The following SLC25A29 variants were observed in gnomAD, a reference collection of about 807,000 sequenced individuals.
The protein encoded by SLC25A29 is solute carrier family 25 member 29, also known as mitochondrial basic amino acids transporter.
SLC25A29 carries 13 observed loss-of-function variants against 10.0 expected under a neutral mutation model. That is an observed-to-expected ratio of 1.30 (90% CI 0.85 to 2.07). The LOEUF (loss-of-function observed/expected upper bound fraction) is 2.07. Ranked by LOEUF, SLC25A29 falls within the 30% of genes most tolerant of loss-of-function variation. The probability of loss-of-function intolerance (pLI) is 0.00; values close to 1 mark genes in which losing one functional copy is unlikely to be tolerated. For missense variants in SLC25A29, 475 were observed against 447.6 expected (o/e 1.06, Z -0.55); for synonymous variants, 244 against 221.1 (o/e 1.10, Z -0.92).
At chr14:100,293,260 T>TG in intron 3 of SLC25A29, 34 bp downstream of exon 3, 2 of 1,606,438 alleles carry the variant, frequency 1.2e-6, no homozygotes, top group Non-Finnish European at 1.7e-6. Flanking sequence ...CCCCATCCTG[T>TG]GCCTCCCGAG....
chr14:100,298,480 T>G, intron 2 of SLC25A29: 2 of 354,122 alleles, frequency 5.6e-6, no homozygotes, highest in African/African-American at 2.1e-5. Flanking sequence ...ATCATGTTCA[T>G]GGGAGATATG....
chr14:100,303,318 A>C (rs1414646977), intron 1 of SLC25A29, among the ~76,000 whole-genome samples: 1 of 152,206 alleles, frequency 6.6e-6, no homozygotes, highest in Non-Finnish European at 1.5e-5. Flanking sequence ...AGGCCCCTCC[A>C]TGTCCCTTGA....
intron 2 of SLC25A29, 153 bp from the exon 3 acceptor site, chr14:100,293,530 G>A (rs1053533117): frequency 6.4e-5 from 40 of 628,804 alleles, no homozygotes; most frequent in African/African-American, 4.9e-4. Flanking sequence ...AGGGTGGGCC[G>A]GGTATCTATG....
At chr14:100,297,836 C>T (rs913133425) in intron 2 of SLC25A29, among the ~76,000 whole-genome samples, 5 of 152,260 alleles carry the variant, frequency 3.3e-5, no homozygotes, top group Admixed American at 1.3e-4. Context: ...ACGATGACAA[C>T]GTTTGAGCCC....
chr14:100,290,423 CTG>C (rs1232975987), downstream of SLC25A29, among the ~76,000 whole-genome samples: 3 of 152,256 alleles, frequency 2.0e-5, no homozygotes, highest in Admixed American at 6.5e-5. Context: ...TCCCCGCCTC[CTG>C]CCTCCCTGTA....
chr14:100,301,240 G>A (rs908986480), intron 1 of SLC25A29, among the ~76,000 whole-genome samples: 2 of 151,492 alleles, frequency 1.3e-5, no homozygotes, highest in South Asian at 2.1e-4. Flanking sequence ...GTGCCGTTGC[G>A]CGATCTGGGC....
the SLC25A29 span, among the ~76,000 whole-genome samples, chr14:100,285,213 G>A: frequency 6.6e-6 from 1 of 151,932 alleles, no homozygotes; most frequent in Non-Finnish European, 1.5e-5. Context: ...CTGCCCGCCT[G>A]GCCTTTGGCC....
chr14:100,306,166 G>T, intron 1 of SLC25A29, 33 bp downstream of exon 1: 1 of 1,435,982 alleles, frequency 7.0e-7, no homozygotes, highest in Non-Finnish European at 9.1e-7. Context: ...CGGACGCCTC[G>T]CCCCGGCCCG....
chr14:100,305,731 C>G (rs1287306127), intron 1 of SLC25A29: 1 of 155,178 alleles, frequency 6.4e-6, no homozygotes, highest in Non-Finnish European at 1.4e-5. Flanking sequence ...CCTCCAAGGC[C>G]AGCCGAGTAG....
intron 2 of SLC25A29, among the ~76,000 whole-genome samples, chr14:100,297,182 A>G (rs1892224479): frequency 6.6e-6 from 1 of 152,248 alleles, no homozygotes; most frequent in African/African-American, 2.4e-5. Context: ...TGGCAAAAAC[A>G]AAAACAAAAC....
chr14:100,291,996 C>T lies in SLC25A29; in HGVS notation c.*287G>A, dbSNP rs540506437. 26 of 452,636 alleles carry T rather than the reference C, an allele frequency of 5.7e-5. No homozygotes were observed. Among genetic ancestry groups the T allele is most frequent in the Middle Eastern group, 1.2e-3 (2 of 1,618 alleles). 28.0% of individuals were successfully genotyped at this position (452,636 alleles called of 1,614,324 possible). A position where few individuals can be genotyped will look rare whatever the true frequency, so the allele number is the denominator to read the frequency against. On this transcript the variant is annotated 3_prime_UTR_variant, in exon 4 of 4. Transcript: ENST00000359232. ...GTGTCTGCCTCAGTTTCCAGGATAA[C>T]GGTGCAATGGCCTCAGCCAGGCCAG...
At chr14:100,295,963 C>G in intron 2 of SLC25A29, 1 of 1,289,740 alleles carries the variant, frequency 7.8e-7, no homozygotes, top group Non-Finnish European at 1.0e-6. Context: ...TAGAGGAGAT[C>G]CAGATCTTGG....
chr14:100,295,716 G>C, intron 2 of SLC25A29: 1 of 1,289,496 alleles, frequency 7.8e-7, no homozygotes, highest in Non-Finnish European at 1.0e-6. Context: ...GAAAGTAAAG[G>C]CGGTTAAAGC....
At chr14:100,280,067 T>C in the SLC25A29 span, 1 of 152,268 alleles carries the variant, frequency 6.6e-6, no homozygotes, top group Non-Finnish European at 1.5e-5. Context: ...GAGTTTAATC[T>C]GGGGTTCCAA....
chr14:100,293,451 C>G, intron 2 of SLC25A29, 74 bp from the exon 3 acceptor site: 1 of 1,433,594 alleles, frequency 7.0e-7, no homozygotes, highest in Non-Finnish European at 9.7e-7. Context: ...GGTGCTTAGG[C>G]TGCCTAGGAG....
Position 100,298,488 on chromosome 14 carries a change from A to G in SLC25A29, c.78+354T>C, listed in dbSNP as rs1177563993. Reference sequence around the variant, plus strand: ...CGTGAAGATCATGTTCATGGGAGATATGAGTTTTGGTTTTTTTTGTATTTT... The same window carrying G: ...CGTGAAGATCATGTTCATGGGAGATGTGAGTTTTGGTTTTTTTTGTATTTT... On this transcript the variant is annotated intron_variant, in intron 2 of 3. Coordinates refer to ENST00000359232, the MANE Select transcript of SLC25A29 (RefSeq NM_001039355.3). 1.1e-5 allele frequency: 4 copies of G among 365,164 alleles called. No homozygotes were observed. In the Admixed American group the frequency reaches 1.3e-4, roughly 12 times the overall value. The allele number at this position is 365,164 out of a possible 1,614,324, so 22.6% of individuals were successfully genotyped here.
intron 1 of SLC25A29, chr14:100,299,846 C>G: frequency 1.0e-6 from 1 of 985,494 alleles, no homozygotes; most frequent in Non-Finnish European, 1.2e-6. Flanking sequence ...ATTAAAACAG[C>G]TGGCATCTGC....
chr14:100,280,438 C>T, the SLC25A29 span: 1 of 151,984 alleles, frequency 6.6e-6, no homozygotes, highest in African/African-American at 2.4e-5. Context: ...ATTATTTCCC[C>T]CTTTTTGGTA....
At chr14:100,289,328 C>T (rs989307968), downstream of SLC25A29, among the ~76,000 whole-genome samples, 2 of 152,178 alleles carry the variant, frequency 1.3e-5, no homozygotes, top group Non-Finnish European at 2.9e-5. Context: ...GTCAGGACCT[C>T]GGCCACACTT....
Sources: allele counts gnomAD v4.1 joint callset (sites outside exome capture counted in the v4.1 genomes callset), GRCh38; gene constraint gnomAD v4.1.1; transcripts MANE v1.5; gene names NCBI Gene and HGNC (gene_info 2026-07-23, HGNC 2026-07-21).